Variants in DLGAP5 observed in about 807,000 individuals in gnomAD.
DLGAP5 encodes the protein DLG associated protein 5.
Under a neutral mutation model 99.6 loss-of-function variants are expected in DLGAP5, and 90 were observed. That is an observed-to-expected ratio of 0.90 (90% CI 0.76 to 1.08). The LOEUF is 1.08. Among genes scored for constraint, DLGAP5 ranks in the 50% least tolerant of loss-of-function variants. DLGAP5 has a pLI of 0.00. For missense variants in DLGAP5, 1,036 were observed against 983.5 expected, an observed-to-expected ratio of 1.05 and a Z score of -0.71; for synonymous variants, 311 against 321.3, an observed-to-expected ratio of 0.97 and a Z score of 0.34.
chr14:55,168,216 G>A (rs554904790), intron 12 of DLGAP5, among the ~76,000 whole-genome samples: 20 of 152,290 alleles, frequency 1.3e-4, no homozygotes, highest in African/African-American at 4.6e-4. Context: ...GCCTCCCAAA[G>A]TGCTAGGATT....
chr14:55,183,787 ATAAAACAT>A (rs751458365), intron 2 of DLGAP5, 34 bp from the exon 3 acceptor site: 1 of 1,469,994 alleles, frequency 6.8e-7, no homozygotes, highest in Non-Finnish European at 9.0e-7. Flanking sequence ...CACACAGTAT[ATAAAACAT>A]TTCAGATGAA....
intron 10 of DLGAP5, among the ~76,000 whole-genome samples, chr14:55,171,712 C>T (rs1882864998): frequency 1.3e-5 from 2 of 152,158 alleles, no homozygotes; most frequent in African/African-American, 4.8e-5. Flanking sequence ...ATGGAAGCAA[C>T]CCAAGTGTCC....
intron 2 of DLGAP5, among the ~76,000 whole-genome samples, 163 bp downstream of exon 2, chr14:55,188,779 T>TAAA (rs397852487): frequency 8.6e-6 from 1 of 116,240 alleles, no homozygotes; most frequent in Non-Finnish European, 1.8e-5. Context: ...TCTTGTAATT[T>TAAA]AAAAAAAAAA....
intron 5 of DLGAP5, 113 bp downstream of exon 5, chr14:55,181,100 G>T: frequency 1.9e-6 from 2 of 1,060,192 alleles, no homozygotes; most frequent in African/African-American, 1.6e-5. Flanking sequence ...GGGCAACAGA[G>T]CAAGACTCTG....
At chr14:55,175,125 C>A (rs1883013782) in intron 10 of DLGAP5, among the ~76,000 whole-genome samples, 1 of 152,182 alleles carries the variant, frequency 6.6e-6, no homozygotes, top group South Asian at 2.1e-4. Context: ...GTGGTTGGGT[C>A]ACAGTGCTGA....
At chr14:55,180,128 C>A (rs558917031) in intron 6 of DLGAP5, among the ~76,000 whole-genome samples, 2 of 152,116 alleles carry the variant, frequency 1.3e-5, no homozygotes, top group South Asian at 4.2e-4. Flanking sequence ...GGTTGCTCAG[C>A]CTGTACATAT....
intron 8 of DLGAP5, 111 bp from the exon 9 acceptor site, chr14:55,176,129 TA>T (rs1883054239): frequency 1.0e-6 from 1 of 1,002,380 alleles, no homozygotes; most frequent in East Asian, 2.5e-5. Context: ...GAAATGTTTC[TA>T]TTTTTTTAAA....
At chr14:55,149,960 G>A (rs1327302965) in intron 18 of DLGAP5, among the ~76,000 whole-genome samples, 3 of 151,798 alleles carry the variant, frequency 2.0e-5, no homozygotes, top group Non-Finnish European at 2.9e-5. Context: ...GGCTGAGGCA[G>A]GAGAATCGCT....
intron 5 of DLGAP5, 84 bp from the exon 6 acceptor site, chr14:55,180,862 C>A (rs888691371): frequency 2.6e-5 from 40 of 1,537,078 alleles, no homozygotes; most frequent in Admixed American, 1.2e-4. Context: ...TAGTGCAATG[C>A]CTGTAGTCCC....
At chr14:55,150,640 A>G in intron 18 of DLGAP5, 159 bp downstream of exon 18, 1 of 529,512 alleles carries the variant, frequency 1.9e-6, no homozygotes, top group East Asian at 3.7e-5. Flanking sequence ...TAAAGTATAT[A>G]AACACCAAAT....
At chr14:55,151,292 A>C (rs575508961) in intron 17 of DLGAP5, among the ~76,000 whole-genome samples, 1 of 152,322 alleles carries the variant, frequency 6.6e-6, no homozygotes, top group South Asian at 2.1e-4. Context: ...TAGGGAAGAA[A>C]AATAGGATAT....
chr14:55,179,295 C>T (rs1013232243), intron 7 of DLGAP5, among the ~76,000 whole-genome samples: 15 of 152,164 alleles, frequency 9.9e-5, no homozygotes, highest in African/African-American at 3.6e-4. Flanking sequence ...AGTATTCAAA[C>T]CCAGGCCTAA....
chr14:55,159,816 T>A (rs754290391), intron 13 of DLGAP5, among the ~76,000 whole-genome samples: 1 of 152,038 alleles, frequency 6.6e-6, no homozygotes. Flanking sequence ...AGGTAGGAAT[T>A]CTAAATAACA....
Position 55,163,020 on chromosome 14 carries a change from C to G in DLGAP5, c.1604G>C (p.Trp535Ser). Residue 535 changes from tryptophan to serine, a missense_variant, in exon 13 of 19, where the codon TGG becomes TCG. By Grantham distance (177) the Trp-to-Ser change is radical. Coordinates refer to ENST00000247191, the MANE Select transcript of DLGAP5 (RefSeq NM_014750.5). ...NNLIKLEESGWQVNNNMNHNM... is the reference protein window; with the variant it reads ...NNLIKLEESGSQVNNNMNHNM... ...ATGATTCATATTATTATTGACTTGC[C>G]ACCCAGATTCCTCAAGTTTGATCAG... The G allele has an allele frequency of 1.2e-6, 2 of 1,601,328 alleles. No individual in the cohort carries two copies. The highest frequency in any genetic ancestry group is 3.4e-5 in the Admixed American group (2 of 59,062).
Position 55,159,933 on chromosome 14 carries a change from T to C in DLGAP5, c.1654-1192A>G, listed in dbSNP as rs76199073. Reference sequence around the variant, plus strand: ...AAACAAGGAAGTAGGCCAGGTACAGTGGCTCACAACTGTAATCCCCGCACT... The same window carrying C: ...AAACAAGGAAGTAGGCCAGGTACAGCGGCTCACAACTGTAATCCCCGCACT... On this transcript the variant is annotated intron_variant, in intron 13 of 18. Coordinates refer to ENST00000247191, the MANE Select transcript of DLGAP5 (RefSeq NM_014750.5). Among the ~76,000 whole-genome samples the C allele has an allele frequency of 6.6e-3, 1,004 of 152,316 alleles. 6 individuals are homozygous for C. The highest frequency in any genetic ancestry group is 0.023 in the African/African-American group (967 of 41,564).
intron 10 of DLGAP5, 27 bp from the exon 11 acceptor site, chr14:55,170,814 C>A: frequency 6.3e-7 from 1 of 1,581,628 alleles, no homozygotes; most frequent in Non-Finnish European, 8.7e-7. Flanking sequence ...CATTTCAGTT[C>A]TACAAGTGGT....
chr14:55,169,777 G>A (rs575768658), intron 11 of DLGAP5, among the ~76,000 whole-genome samples: 1 of 152,230 alleles, frequency 6.6e-6, no homozygotes, highest in African/African-American at 2.4e-5. Flanking sequence ...CATACATATT[G>A]CTATATACTA....
At chr14:55,188,334 G>T (rs558455072) in intron 2 of DLGAP5, among the ~76,000 whole-genome samples, 2 of 152,094 alleles carry the variant, frequency 1.3e-5, no homozygotes, top group East Asian at 3.9e-4. Flanking sequence ...TTCTTCTTTA[G>T]TTGGTTCTTT....
At chr14:55,167,253 C>CAA (rs59010875) in intron 12 of DLGAP5, among the ~76,000 whole-genome samples, 5,015 of 89,726 alleles carry the variant, frequency 0.056, 420 homozygotes, top group African/African-American at 0.15. Flanking sequence ...GACTCCATCT[C>CAA]AAAAAAAAAA....
Sources: allele counts gnomAD v4.1 joint callset (sites outside exome capture counted in the v4.1 genomes callset), GRCh38; gene constraint gnomAD v4.1.1; transcripts MANE v1.5; gene names NCBI Gene and HGNC (gene_info 2026-07-23, HGNC 2026-07-21).